The following KITLG variants were observed in gnomAD, a reference collection of about 807,000 sequenced individuals.
The protein encoded by KITLG is KIT ligand.
KITLG carries 13 observed loss-of-function variants against 34.1 expected under a neutral mutation model. The observed-to-expected ratio is 0.38, with a 90% CI of 0.25 to 0.61. The LOEUF (loss-of-function observed/expected upper bound fraction) is 0.61. Among genes scored for constraint, KITLG ranks in the 20% least tolerant of loss-of-function variants. The pLI, the probability that KITLG is intolerant of heterozygous loss-of-function variation, is 0.60. For missense variants in KITLG, 292 were observed against 318.9 expected (o/e 0.92, Z 0.64); for synonymous variants, 110 against 104.0 (o/e 1.06, Z -0.35).
At chr12:88,525,146 G>C (rs1205161740) in intron 3 of KITLG, among the ~76,000 whole-genome samples, 2 of 152,164 alleles carry the variant, frequency 1.3e-5, no homozygotes, top group East Asian at 3.9e-4. Flanking sequence ...CAAGTGACTG[G>C]AACAAAGGAG....
In KITLG at chr12:88,494,098, A is replaced by G. The variant is rs1397965965; in HGVS notation, c.*3121T>C. 1 of 151,906 alleles carries G rather than the reference A, an allele frequency of 6.6e-6. No individual in the cohort carries two copies. The highest frequency in any genetic ancestry group is 1.5e-5 in the Non-Finnish European group (1 of 67,860). The allele number at this position is 151,906 out of a possible 1,614,324, so 9.4% of individuals were successfully genotyped here. On this transcript the variant is annotated 3_prime_UTR_variant, in exon 10 of 10. Transcript: ENST00000644744. Reference sequence around the variant, plus strand: ...AAGGAGTGATCTCTGAGTTTACCATATAGATAAATAAAAAATTGAGACCCA... The same window carrying G: ...AAGGAGTGATCTCTGAGTTTACCATGTAGATAAATAAAAAATTGAGACCCA...
At chr12:88,579,441 A>C (rs1871937887) in intron 1 of KITLG, among the ~76,000 whole-genome samples, 1 of 152,112 alleles carries the variant, frequency 6.6e-6, no homozygotes, top group Admixed American at 6.5e-5. Context: ...TTCTAAACGA[A>C]GAACCAGGTA....
At chr12:88,535,055 T>C (rs770259843) in intron 2 of KITLG, among the ~76,000 whole-genome samples, 9 of 152,162 alleles carry the variant, frequency 5.9e-5, no homozygotes, top group Non-Finnish European at 1.0e-4. Context: ...GCATAATTTA[T>C]ATTATTTTAA....
Position 88,526,509 on chromosome 12 carries a change from T to C in KITLG, c.192+5932A>G, listed in dbSNP as rs562348902. ...TTTCTTTCAGCAAATATTCATTAAA[T>C]GCATATGAGCATCCATGAGGCACTG... On this transcript the variant is annotated intron_variant, in intron 3 of 9. Coordinates refer to ENST00000644744, the MANE Select transcript of KITLG (RefSeq NM_000899.5). Among the ~76,000 whole-genome samples, 15 of 152,300 alleles carry C rather than the reference T, an allele frequency of 9.8e-5. No homozygotes were observed. In the South Asian group the frequency reaches 1.5e-3, roughly 15 times the overall value.
At chr12:88,534,547 A>G (rs893652228) in intron 2 of KITLG, 2 of 381,746 alleles carry the variant, frequency 5.2e-6, no homozygotes, top group African/African-American at 2.2e-5. Flanking sequence ...TTGTATTTTT[A>G]GCAGAGACGG....
intron 3 of KITLG, among the ~76,000 whole-genome samples, chr12:88,529,647 G>C (rs1870005691): frequency 6.6e-6 from 1 of 152,198 alleles, no homozygotes; most frequent in Non-Finnish European, 1.5e-5. Context: ...TTTGGCACCA[G>C]AGAATCTTTT....
intron 2 of KITLG, among the ~76,000 whole-genome samples, chr12:88,539,071 C>A (rs936823383): frequency 2.6e-5 from 4 of 152,102 alleles, no homozygotes; most frequent in African/African-American, 7.2e-5. Flanking sequence ...GCATACCACA[C>A]CCTGCAGGTA....
At chr12:88,564,133 T>C (rs1871373877) in intron 1 of KITLG, 1 of 152,202 alleles carries the variant, frequency 6.6e-6, no homozygotes, top group Non-Finnish European at 1.5e-5. Flanking sequence ...CATTCTGAAA[T>C]TCATCCTCAT....
At position 88,535,654 on chromosome 12, in the gene KITLG, T is replaced by C. The variant is rs576561286; in HGVS notation, c.130-3151A>G. ...ACTTAGAAAGTCAAGTTGTAGATATTTGTGGTCGCTTAATAAATTATTGTG... is the reference window on the plus strand; with the variant it reads ...ACTTAGAAAGTCAAGTTGTAGATATCTGTGGTCGCTTAATAAATTATTGTG... On this transcript the variant is annotated intron_variant, in intron 2 of 9. Transcript: ENST00000644744. 2.0e-5 allele frequency among the ~76,000 whole-genome samples: 3 copies of C among 152,226 alleles called. No individual in the cohort carries two copies. In the South Asian group the frequency reaches 6.2e-4, roughly 32 times the overall value.
At chr12:88,511,031 T>A (rs556813132) in intron 6 of KITLG, among the ~76,000 whole-genome samples, 1 of 152,164 alleles carries the variant, frequency 6.6e-6, no homozygotes, top group Non-Finnish European at 1.5e-5. Flanking sequence ...TGACATCACC[T>A]AGCTAAAAGT....
intron 2 of KITLG, 133 bp from the exon 3 acceptor site, chr12:88,532,636 G>A (rs1001022400): frequency 1.5e-6 from 1 of 646,780 alleles, no homozygotes; most frequent in Admixed American, 2.8e-5. Flanking sequence ...ATATTTACAT[G>A]TATATTGATT....
At chr12:88,574,323 C>T (rs530827714) in intron 1 of KITLG, among the ~76,000 whole-genome samples, 39 of 151,994 alleles carry the variant, frequency 2.6e-4, no homozygotes, top group Non-Finnish European at 4.6e-4. Flanking sequence ...AAAAGGGCTA[C>T]GGCTAGCTGC....
chr12:88,512,766 C>T (rs1183932270), intron 6 of KITLG, among the ~76,000 whole-genome samples: 1 of 151,216 alleles, frequency 6.6e-6, no homozygotes, highest in East Asian at 1.9e-4. Flanking sequence ...GAAAAAAAAT[C>T]CTGTGTACCC....
chr12:88,494,018 G>A lies in KITLG; in HGVS notation c.*3201C>T, dbSNP rs1433381329. 1 of 151,840 alleles carries A rather than the reference G, an allele frequency of 6.6e-6. No homozygotes were observed. The highest frequency in any genetic ancestry group is 2.4e-5 in the African/African-American group (1 of 41,392). The allele number at this position is 151,840 out of a possible 1,614,324, so 9.4% of individuals were successfully genotyped here. A position where few individuals can be genotyped will look rare whatever the true frequency, so the allele number is the denominator to read the frequency against. On this transcript the variant is annotated 3_prime_UTR_variant, in exon 10 of 10. Transcript: ENST00000644744. ...AGAGTTGGATATTTTGTATGGGTTA[G>A]TTTCAATGCTATTTTGTCTTCTTTG...
At chr12:88,529,692 A>C (rs1161914771) in intron 3 of KITLG, among the ~76,000 whole-genome samples, 1 of 152,196 alleles carries the variant, frequency 6.6e-6, no homozygotes, top group Non-Finnish European at 1.5e-5. Context: ...CTATTGTTTA[A>C]AGACAAAAGA....
chr12:88,505,327 G>A (rs1869018129), intron 8 of KITLG, 92 bp from the exon 9 acceptor site: 2 of 963,318 alleles, frequency 2.1e-6, no homozygotes, highest in Non-Finnish European at 3.3e-6. Context: ...CAGCTTTTCT[G>A]TAAATATAGT....
intron 2 of KITLG, among the ~76,000 whole-genome samples, chr12:88,535,281 A>C (rs1322726080): frequency 6.6e-6 from 1 of 152,196 alleles, no homozygotes; most frequent in Non-Finnish European, 1.5e-5. Context: ...GTGTATAATA[A>C]TAAAGTAATT....
At chr12:88,570,634 G>T (rs1871616956) in intron 1 of KITLG, among the ~76,000 whole-genome samples, 1 of 151,934 alleles carries the variant, frequency 6.6e-6, no homozygotes, top group Non-Finnish European at 1.5e-5. Context: ...AAGGAATCTG[G>T]CCTTTAGATT....
intron 3 of KITLG, among the ~76,000 whole-genome samples, chr12:88,521,274 G>A (rs150596110): frequency 6.6e-6 from 1 of 152,176 alleles, no homozygotes; most frequent in Non-Finnish European, 1.5e-5. Context: ...TTGTAAGAGA[G>A]GAAACTAGTT....
Sources: gnomAD v4.1 joint callset for allele counts (sites outside exome capture counted in the v4.1 genomes callset) on GRCh38, gnomAD v4.1.1 for gene constraint, MANE v1.5 for transcripts, NCBI Gene and HGNC (gene_info 2026-07-23, HGNC 2026-07-21) for gene names.